Variants in FARS2 observed in about 807,000 individuals in gnomAD.
FARS2 encodes the protein phenylalanine--tRNA ligase, mitochondrial.
FARS2 carries 40 observed loss-of-function variants against 46.4 expected under a neutral mutation model. The ratio of observed to expected loss-of-function variants is 0.86; its 90% CI spans 0.67 to 1.12. The LOEUF (loss-of-function observed/expected upper bound fraction) is 1.12, where lower values mean the gene tolerates loss of function less well. Ranked by LOEUF, FARS2 falls within the 50% of genes most tolerant of loss-of-function variation. The pLI is 0.00. For missense variants in FARS2, 513 were observed against 567.9 expected (o/e 0.90, Z 0.98); for synonymous variants, 234 against 214.9 (o/e 1.09, Z -0.78).
intron 4 of FARS2, among the ~76,000 whole-genome samples, chr6:5,474,875 G>C (rs1188130193): frequency 6.6e-6 from 1 of 151,972 alleles, no homozygotes; most frequent in African/African-American, 2.4e-5. Flanking sequence ...GGCCAGGCTG[G>C]TCTTGAACTC....
In FARS2 at chr6:5,289,645, T is replaced by C. The variant is rs143497956; in HGVS notation, c.-22+27985T>C. Among the ~76,000 whole-genome samples, 21 of 152,334 alleles carry C rather than the reference T, an allele frequency of 1.4e-4. No homozygotes were observed. The East Asian group carries it at 4.0e-3, about 29-fold the overall frequency. ...AGACTTGGCCTGTGACCAGTCTGATTGGTTGCAGGAGGGGACTAATCAGAG... is the reference window on the plus strand; with the variant it reads ...AGACTTGGCCTGTGACCAGTCTGATCGGTTGCAGGAGGGGACTAATCAGAG... On this transcript the variant is annotated intron_variant, in intron 1 of 6. Coordinates refer to ENST00000274680, the MANE Select transcript of FARS2 (RefSeq NM_006567.5).
chr6:5,427,911 GT>G (rs1246557641), intron 3 of FARS2, among the ~76,000 whole-genome samples: 5 of 152,144 alleles, frequency 3.3e-5, no homozygotes, highest in Admixed American at 6.5e-5. Context: ...AGCTATAATT[GT>G]TTTTTCTCAT....
At chr6:5,611,172 A>T (rs1421393896) in intron 5 of FARS2, among the ~76,000 whole-genome samples, 1 of 152,234 alleles carries the variant, frequency 6.6e-6, no homozygotes, top group Non-Finnish European at 1.5e-5. Flanking sequence ...AGTACTGTGC[A>T]AGAGAAGGAT....
intron 4 of FARS2, among the ~76,000 whole-genome samples, chr6:5,500,651 G>A (rs1767737329): frequency 6.6e-6 from 1 of 152,142 alleles, no homozygotes; most frequent in South Asian, 2.1e-4. Context: ...CACGGACTCT[G>A]GAGTTAGACA....
intron 3 of FARS2, among the ~76,000 whole-genome samples, chr6:5,429,096 AGTGGGCAGGTGG>A (rs1763015612): frequency 6.6e-6 from 1 of 152,182 alleles, no homozygotes; most frequent in Non-Finnish European, 1.5e-5. Flanking sequence ...AGAGTGGGGC[AGTGGGCAGGTGG>A]GTAGGATTAC....
chr6:5,620,886 C>T (rs545553419), intron 6 of FARS2, among the ~76,000 whole-genome samples: 5 of 152,348 alleles, frequency 3.3e-5, no homozygotes, highest in African/African-American at 7.2e-5. Context: ...CCGGCCTTCT[C>T]CTATATGTCA....
At chr6:5,649,602 G>A (rs1022977236) in intron 6 of FARS2, among the ~76,000 whole-genome samples, 1 of 152,186 alleles carries the variant, frequency 6.6e-6, no homozygotes, top group African/African-American at 2.4e-5. Flanking sequence ...CTTAATATAC[G>A]ATATCTCATT....
chr6:5,354,940 A>T (rs1757820140), intron 1 of FARS2, among the ~76,000 whole-genome samples: 1 of 152,114 alleles, frequency 6.6e-6, no homozygotes, highest in South Asian at 2.1e-4. Context: ...AGAATCTAAC[A>T]TCTTCTCTGG....
At chr6:5,438,254 C>A (rs1462460434) in intron 4 of FARS2, among the ~76,000 whole-genome samples, 1 of 85,288 alleles carries the variant, frequency 1.2e-5, no homozygotes. Flanking sequence ...CCGCCCCCCC[C>A]CCCATTTTTG....
At chr6:5,259,401 G>A (rs1764844057), upstream of FARS2, among the ~76,000 whole-genome samples, 1 of 152,190 alleles carries the variant, frequency 6.6e-6, no homozygotes, top group African/African-American at 2.4e-5. Context: ...AAGTCATTAA[G>A]TAAAATCATT....
At chr6:5,251,723 C>A in the FARS2 span, among the ~76,000 whole-genome samples, 1 of 152,194 alleles carries the variant, frequency 6.6e-6, no homozygotes, top group African/African-American at 2.4e-5. Flanking sequence ...TGGGTGGAGA[C>A]AACATCCAAA....
chr6:5,749,606 T>C (rs1318504776), intron 6 of FARS2, among the ~76,000 whole-genome samples: 1 of 152,228 alleles, frequency 6.6e-6, no homozygotes, highest in Non-Finnish European at 1.5e-5. Flanking sequence ...CCTTCTGTGC[T>C]GAAGGCCCCT....
chr6:5,578,899 A>G (rs1773165275), intron 5 of FARS2, among the ~76,000 whole-genome samples: 1 of 151,806 alleles, frequency 6.6e-6, no homozygotes, highest in African/African-American at 2.4e-5. Flanking sequence ...TTCACATCCC[A>G]ACTCTACTGC....
chr6:5,588,112 A>G lies in FARS2; in HGVS notation c.1066-25057A>G, dbSNP rs17276208. Among the ~76,000 whole-genome samples the G allele has an allele frequency of 8.2e-3, 1,248 of 152,038 alleles. 9 individuals carry two copies. Among genetic ancestry groups the G allele is most frequent in the South Asian group, 0.015 (74 of 4,814 alleles). Reference sequence around the variant, plus strand: ...TAATCGAGTTTCCCCTTACTGTAAAACATGGGTCCTTGTTCTACCCCAAGG... The same window carrying G: ...TAATCGAGTTTCCCCTTACTGTAAAGCATGGGTCCTTGTTCTACCCCAAGG... On this transcript the variant is annotated intron_variant, in intron 5 of 6. Transcript: ENST00000274680.
At chr6:5,369,312 A>C in intron 2 of FARS2, 130 bp downstream of exon 2, 1 of 870,564 alleles carries the variant, frequency 1.1e-6, no homozygotes, top group Non-Finnish European at 1.7e-6. Context: ...TGAATCATCC[A>C]TACTTAATGA....
chr6:5,623,153 C>A (rs7762094), intron 6 of FARS2, among the ~76,000 whole-genome samples: 8,411 of 152,256 alleles, frequency 0.055, 736 homozygotes, highest in African/African-American at 0.19. Flanking sequence ...ATGACACTAT[C>A]TATGTGAAAT....
intron 5 of FARS2, among the ~76,000 whole-genome samples, chr6:5,576,710 GC>G (rs1773006378): frequency 6.6e-6 from 1 of 150,714 alleles, no homozygotes; most frequent in Admixed American, 6.6e-5. Context: ...ATAAGGAAGA[GC>G]TTTTCCTCTC....
chr6:5,654,370 A>G (rs760899737), intron 6 of FARS2, among the ~76,000 whole-genome samples: 5 of 152,242 alleles, frequency 3.3e-5, no homozygotes, highest in Admixed American at 6.5e-5. Flanking sequence ...GGATTAAATC[A>G]GAACTTACAA....
At chr6:5,366,011 TA>T (rs1212990825) in intron 1 of FARS2, among the ~76,000 whole-genome samples, 1 of 151,614 alleles carries the variant, frequency 6.6e-6, no homozygotes, top group African/African-American at 2.4e-5. Flanking sequence ...GTAGAAGAGA[TA>T]GGGGAGGCGG....
Sources: gnomAD v4.1 joint callset for allele counts (sites outside exome capture counted in the v4.1 genomes callset) on GRCh38, gnomAD v4.1.1 for gene constraint, MANE v1.5 for transcripts, NCBI Gene and HGNC (gene_info 2026-07-23, HGNC 2026-07-21) for gene names.